Variants in AXDND1 observed in about 807,000 individuals in gnomAD.
AXDND1 encodes the protein axonemal dynein light chain domain-containing protein 1.
Under a neutral mutation model 137.5 loss-of-function variants are expected in AXDND1, and 110 were observed. That is an observed-to-expected ratio of 0.80 (90% confidence interval 0.69 to 0.94). The LOEUF (loss-of-function observed/expected upper bound fraction) is 0.94, where lower values mean the gene tolerates loss of function less well. Ranked by LOEUF, AXDND1 falls within the 40% of genes least tolerant of loss-of-function variation. AXDND1 has a pLI of 0.00. For synonymous variants in AXDND1, 414 were observed against 399.7 expected, an observed-to-expected ratio of 1.04 and a Z score of -0.43; for missense variants, 1,191 against 1,169.8, an observed-to-expected ratio of 1.02 and a Z score of -0.26.
chr1:179,375,346 C>T (rs4322198), intron 4 of AXDND1, among the ~76,000 whole-genome samples: 33,602 of 151,718 alleles, frequency 0.22, 3,775 homozygotes, highest in Non-Finnish European at 0.24. Flanking sequence ...TCAGGTGATC[C>T]GCCCATCTTG....
chr1:179,535,623 T>C (rs1214801882), intron 25 of AXDND1, among the ~76,000 whole-genome samples: 1 of 152,242 alleles, frequency 6.6e-6, no homozygotes, highest in South Asian at 2.1e-4. Context: ...CAGTCTATCA[T>C]TGATGGACAT....
chr1:179,379,306 T>C, intron 5 of AXDND1, 91 bp from the exon 6 acceptor site: 1 of 1,344,522 alleles, frequency 7.4e-7, no homozygotes, highest in East Asian at 2.6e-5. Context: ...AAAAATAGTA[T>C]CTCTTTAGGT....
Position 179,405,499 on chromosome 1 carries a change from G to A in AXDND1, c.1110-5647G>A, listed in dbSNP as rs150090812. Among the ~76,000 whole-genome samples the A allele has an allele frequency of 5.0e-3, 754 of 152,294 alleles. 8 individuals carry two copies. The highest frequency in any genetic ancestry group is 0.018 in the African/African-American group (729 of 41,562). On this transcript the variant is annotated intron_variant, in intron 11 of 25. Coordinates refer to ENST00000367618, the MANE Select transcript of AXDND1 (RefSeq NM_144696.6). ...CAGATCCTTGAGGAAACGCCACATCGTCTTCCATAATGGTTGAACTAATTT... is the reference window on the plus strand; with the variant it reads ...CAGATCCTTGAGGAAACGCCACATCATCTTCCATAATGGTTGAACTAATTT...
At chr1:179,442,067 G>T (rs1355972930) in intron 15 of AXDND1, among the ~76,000 whole-genome samples, 9 of 152,162 alleles carry the variant, frequency 5.9e-5, no homozygotes, top group Admixed American at 5.2e-4. Flanking sequence ...ACCTGCTGTG[G>T]ATTATTTGGA....
At chr1:179,479,944 C>A (rs6657452) in intron 17 of AXDND1, among the ~76,000 whole-genome samples, 48,259 of 151,956 alleles carry the variant, frequency 0.32, 8,255 homozygotes, top group Middle Eastern at 0.43. Flanking sequence ...AGTTCCTCAT[C>A]TCCATCTGTA....
intron 4 of AXDND1, among the ~76,000 whole-genome samples, chr1:179,374,114 A>G (rs534727264): frequency 6.6e-6 from 1 of 152,300 alleles, no homozygotes; most frequent in East Asian, 1.9e-4. Context: ...TCTACAAAGA[A>G]CTCAAACAAA....
intron 17 of AXDND1, among the ~76,000 whole-genome samples, chr1:179,482,609 G>T (rs148220687): frequency 0.018 from 2,727 of 152,090 alleles, 39 homozygotes; most frequent in Non-Finnish European, 0.03. Context: ...ATAGATTATT[G>T]CCTTTCTTAC....
At chr1:179,422,741 T>G (rs1655952751) in intron 12 of AXDND1, among the ~76,000 whole-genome samples, 1 of 152,160 alleles carries the variant, frequency 6.6e-6, no homozygotes, top group Non-Finnish European at 1.5e-5. Flanking sequence ...TCCCCCACTA[T>G]TATTATATTA....
intron 25 of AXDND1, among the ~76,000 whole-genome samples, chr1:179,539,141 C>T (rs567558870): frequency 6.6e-6 from 1 of 152,264 alleles, no homozygotes; most frequent in South Asian, 2.1e-4. Context: ...GACTCTTTAT[C>T]CAATTTGCCA....
In AXDND1 at chr1:179,525,406, G is replaced by T; in HGVS notation, c.2569G>T (p.Asp857Tyr). Residue 857 changes from aspartate to tyrosine, a missense_variant, in exon 22 of 26, where the codon GAT becomes TAT. Physicochemically the swap from Asp to Tyr is radical, Grantham distance 160. Coordinates refer to ENST00000367618, the MANE Select transcript of AXDND1 (RefSeq NM_144696.6). ...AGAAGATGAAGAAGAAAGTAAGGAGGATAGGAAACTTCAGGAGGAAAATAA... is the reference window on the plus strand; with the variant it reads ...AGAAGATGAAGAAGAAAGTAAGGAGTATAGGAAACTTCAGGAGGAAAATAA... ...FKEDEEESKE[D>Y]RKLQEENKER... 1.2e-6 allele frequency: 2 copies of T among 1,612,038 alleles called. No individual in the cohort carries two copies. The highest frequency in any genetic ancestry group is 1.7e-6 in the Non-Finnish European group (2 of 1,178,808).
At chr1:179,369,080 A>T (rs1667762049) in intron 3 of AXDND1, 108 bp downstream of exon 3, 2 of 1,159,824 alleles carry the variant, frequency 1.7e-6, no homozygotes, top group Non-Finnish European at 2.4e-6. Flanking sequence ...AGCCTTAAAA[A>T]TTTTAAGATT....
At chr1:179,430,426 T>C (rs1657198444) in intron 13 of AXDND1, 26 bp from the exon 14 acceptor site, 1 of 1,550,594 alleles carries the variant, frequency 6.4e-7, no homozygotes, top group African/African-American at 1.4e-5. Flanking sequence ...ATGAATATAT[T>C]ATTTGATTCT....
At position 179,383,456 on chromosome 1, in the gene AXDND1, G is replaced by T; in HGVS notation, c.653G>T (p.Arg218Ile). ...TAATTTTTTAGGAAACCTAATAAAA[G>T]AGTAGAAGTGGCCCAGCTGAATGAT... ...LLFPSMKPNK[R>I]VEVAQLNDVM... Residue 218 changes from arginine (R) to isoleucine (I), a missense_variant, in exon 8 of 26, where the codon AGA becomes ATA. Transcript: ENST00000367618. The T allele has an allele frequency of 1.2e-6, 2 of 1,613,678 alleles. No individual in the cohort carries two copies. Among genetic ancestry groups the T allele is most frequent in the Non-Finnish European group, 1.7e-6 (2 of 1,179,646 alleles).
Position 179,488,636 on chromosome 1 carries a change from TTTCTTTCTTTCTTTCTTTC to T in AXDND1, c.2092-2899_2092-2881del, listed in dbSNP as rs1558256464. Among the ~76,000 whole-genome samples, 125 of 45,650 alleles carry T rather than the reference TTTCTTTCTTTCTTTCTTTC, an allele frequency of 2.7e-3. 5 individuals carry two copies. Among genetic ancestry groups the T allele is most frequent in the South Asian group, 8.1e-3 (11 of 1,366 alleles). The allele number at this position is 45,650 out of a possible 152,430, so 29.9% of individuals were successfully genotyped here. On this transcript the variant is annotated intron_variant, in intron 18 of 25. Transcript: ENST00000367618. ...TCTTTCTTTCTCTCTCTCTCTCTCC[TTTCTTTCTTTCTTTCTTTC>T]TTTCTTTCTTTCTTTCTTTCTTTCT... is the stretch of plus-strand genomic sequence containing the variant.
intron 16 of AXDND1, among the ~76,000 whole-genome samples, chr1:179,445,530 C>T (rs1172089248): frequency 6.6e-6 from 1 of 152,100 alleles, no homozygotes; most frequent in African/African-American, 2.4e-5. Context: ...CCCCCAACAT[C>T]GTCACTTCAG....
At chr1:179,403,915 TAGC>T (rs1652514135) in intron 11 of AXDND1, among the ~76,000 whole-genome samples, 1 of 152,114 alleles carries the variant, frequency 6.6e-6, no homozygotes, top group South Asian at 2.1e-4. Context: ...CTCACTGCAA[TAGC>T]AGCAGAAGGT....
At chr1:179,412,495 T>C (rs1654046665) in intron 12 of AXDND1, among the ~76,000 whole-genome samples, 1 of 152,144 alleles carries the variant, frequency 6.6e-6, no homozygotes, top group South Asian at 2.1e-4. Context: ...TGTCAGTTAT[T>C]TGGAAGAAAA....
intron 12 of AXDND1, among the ~76,000 whole-genome samples, chr1:179,420,164 G>A (rs1169883220): frequency 1.3e-5 from 2 of 152,178 alleles, no homozygotes; most frequent in Non-Finnish European, 2.9e-5. Context: ...GATGTTGAAT[G>A]TTATCAAGTG....
chr1:179,417,360 T>G (rs1183556626), intron 12 of AXDND1, among the ~76,000 whole-genome samples: 1 of 152,204 alleles, frequency 6.6e-6, no homozygotes, highest in South Asian at 2.1e-4. Flanking sequence ...ATGTAATTGC[T>G]TTTTCTTTCT....
Sources: allele counts gnomAD v4.1 joint callset (sites outside exome capture counted in the v4.1 genomes callset), GRCh38; gene constraint gnomAD v4.1.1; transcripts MANE v1.5; gene names NCBI Gene and HGNC (gene_info 2026-07-23, HGNC 2026-07-21).